Variants in SCHIP1 observed in about 807,000 individuals in gnomAD.
The protein encoded by SCHIP1 is schwannomin interacting protein 1.
In SCHIP1, 8 loss-of-function variants were observed where a neutral mutation model predicts 29.7. The observed-to-expected ratio is 0.27, with a 90% confidence interval of 0.16 to 0.49. SCHIP1 has a LOEUF of 0.49. Ranked by LOEUF, SCHIP1 falls within the 20% of genes least tolerant of loss-of-function variation. The pLI, the probability that SCHIP1 is intolerant of heterozygous loss-of-function variation, is 0.99. For missense variants in SCHIP1, 193 were observed against 294.6 expected, an observed-to-expected ratio of 0.66 and a Z score of 2.52; for synonymous variants, 76 against 94.9, an observed-to-expected ratio of 0.80 and a Z score of 1.16.
the SCHIP1 span, among the ~76,000 whole-genome samples, chr3:159,828,389 A>ATG: frequency 8.5e-4 from 22 of 25,956 alleles, no homozygotes; most frequent in African/African-American, 2.5e-3. Flanking sequence ...ATATATATAC[A>ATG]TATATACGTA....
chr3:159,318,514 A>T, the SCHIP1 span, among the ~76,000 whole-genome samples: 1 of 152,292 alleles, frequency 6.6e-6, no homozygotes, highest in East Asian at 1.9e-4. Context: ...TGTCCTGGAA[A>T]GGGGCTGTAG....
chr3:159,336,657 C>T, the SCHIP1 span, among the ~76,000 whole-genome samples: 36,440 of 151,896 alleles, frequency 0.24, 4,710 homozygotes, highest in African/African-American at 0.33. Flanking sequence ...TGGTTGTAGA[C>T]GTGTGGTATT....
the SCHIP1 span, among the ~76,000 whole-genome samples, chr3:159,556,976 G>A: frequency 6.7e-6 from 1 of 150,156 alleles, no homozygotes; most frequent in Admixed American, 6.6e-5. Context: ...TTTTTTTTTG[G>A]AGATAGAGTC....
the SCHIP1 span, among the ~76,000 whole-genome samples, chr3:159,397,533 T>C: frequency 6.6e-6 from 1 of 152,174 alleles, no homozygotes. Flanking sequence ...TAGTTTTCCT[T>C]CTAAAAGATA....
the SCHIP1 span, among the ~76,000 whole-genome samples, chr3:159,403,467 AGAAT>A: frequency 6.6e-6 from 1 of 152,254 alleles, no homozygotes; most frequent in African/African-American, 2.4e-5. Context: ...GCACAGAGAA[AGAAT>A]TTGTGCAATA....
chr3:159,581,705 G>A, the SCHIP1 span, among the ~76,000 whole-genome samples: 1 of 152,118 alleles, frequency 6.6e-6, no homozygotes, highest in Non-Finnish European at 1.5e-5. Flanking sequence ...TAAAAGGAAA[G>A]TAAAGTCTAC....
At chr3:159,588,849 T>G in the SCHIP1 span, among the ~76,000 whole-genome samples, 1 of 152,258 alleles carries the variant, frequency 6.6e-6, no homozygotes, top group Non-Finnish European at 1.5e-5. Flanking sequence ...AGTACCATGC[T>G]GTTTTGGTTA....
At chr3:159,775,673 T>C in the SCHIP1 span, among the ~76,000 whole-genome samples, 3 of 152,198 alleles carry the variant, frequency 2.0e-5, no homozygotes, top group Admixed American at 6.5e-5. Flanking sequence ...GGGCAGGCAC[T>C]CCCTAGCCAC....
upstream of SCHIP1, chr3:159,839,838 T>G (rs1744045217): frequency 7.9e-7 from 1 of 1,259,214 alleles, no homozygotes; most frequent in Non-Finnish European, 1.0e-6. Flanking sequence ...CACCAGAAGG[T>G]CACACCAGCT....
chr3:159,468,772 TATA>T, the SCHIP1 span, among the ~76,000 whole-genome samples: 150 of 128,072 alleles, frequency 1.2e-3, 1 homozygote, highest in African/African-American at 4.7e-3. Flanking sequence ...TATATATATA[TATA>T]TATTTTTTTT....
chr3:159,842,698 C>A (rs879825903), intron 1 of SCHIP1, among the ~76,000 whole-genome samples: 1 of 151,942 alleles, frequency 6.6e-6, no homozygotes, highest in African/African-American at 2.4e-5. Context: ...CTGGCATGCA[C>A]CCCCACCTCC....
the SCHIP1 span, chr3:159,274,399 A>G: frequency 6.3e-6 from 6 of 958,762 alleles, no homozygotes; most frequent in African/African-American, 8.8e-5. Context: ...AAAAATCTCA[A>G]ATTTATTGGT....
chr3:159,789,092 A>T, the SCHIP1 span, among the ~76,000 whole-genome samples: 75 of 152,090 alleles, frequency 4.9e-4, 1 homozygote, highest in East Asian at 0.014. Context: ...CAACCTGTAT[A>T]TGTGTATGTA....
At chr3:159,429,172 G>A in the SCHIP1 span, among the ~76,000 whole-genome samples, 1 of 148,352 alleles carries the variant, frequency 6.7e-6, no homozygotes, top group Non-Finnish European at 1.5e-5. Flanking sequence ...TTGTGCACAT[G>A]TACCCTAAAA....
chr3:159,584,537 G>A, the SCHIP1 span, among the ~76,000 whole-genome samples: 4 of 152,190 alleles, frequency 2.6e-5, no homozygotes, highest in Admixed American at 6.5e-5. Flanking sequence ...TTTTCTAGCC[G>A]GAGTTACAGG....
the SCHIP1 span, among the ~76,000 whole-genome samples, chr3:159,564,937 T>C: frequency 6.6e-6 from 1 of 152,222 alleles, no homozygotes; most frequent in Non-Finnish European, 1.5e-5. Flanking sequence ...ATATGTCTTT[T>C]GGAGAACAGA....
chr3:159,310,370 AG>A, the SCHIP1 span, among the ~76,000 whole-genome samples: 1 of 152,182 alleles, frequency 6.6e-6, no homozygotes, highest in South Asian at 2.1e-4. Context: ...TTTAAATTTT[AG>A]AAGCTTTGTT....
At chr3:159,384,901 G>T in the SCHIP1 span, among the ~76,000 whole-genome samples, 1 of 152,168 alleles carries the variant, frequency 6.6e-6, no homozygotes, top group Non-Finnish European at 1.5e-5. Flanking sequence ...TTGCATAGAG[G>T]TGTTTGTAAT....
At chr3:159,552,447 G>A in the SCHIP1 span, among the ~76,000 whole-genome samples, 78 of 151,230 alleles carry the variant, frequency 5.2e-4, no homozygotes, top group Non-Finnish European at 8.6e-4. Context: ...TGAATGAATC[G>A]ACAAAAAAAA....
Sources: allele counts gnomAD v4.1 joint callset (sites outside exome capture counted in the v4.1 genomes callset), GRCh38; gene constraint gnomAD v4.1.1; transcripts MANE v1.5; gene names NCBI Gene and HGNC (gene_info 2026-07-23, HGNC 2026-07-21).